The following ADAMTS19 variants were observed in gnomAD, a reference collection of about 807,000 sequenced individuals.
ADAMTS19 encodes A disintegrin and metalloproteinase with thrombospondin motifs 19.
In ADAMTS19, 93 loss-of-function variants were observed where a neutral mutation model predicts 153.3. The ratio of observed to expected loss-of-function variants is 0.61; its 90% CI spans 0.51 to 0.72. The LOEUF (loss-of-function observed/expected upper bound fraction) is 0.72. ADAMTS19 is among the 30% of genes least tolerant of loss of function. The pLI is 0.00. For missense variants in ADAMTS19, 1,482 were observed against 1,552.1 expected, an observed-to-expected ratio of 0.95 and a Z score of 0.76; for synonymous variants, 600 against 556.6, an observed-to-expected ratio of 1.08 and a Z score of -1.10.
At chr5:129,714,871 T>G (rs1435449400) in intron 21 of ADAMTS19, among the ~76,000 whole-genome samples, 1 of 152,242 alleles carries the variant, frequency 6.6e-6, no homozygotes. Context: ...TGCTCATTGC[T>G]GTAGCTTTAA....
chr5:129,639,340 A>G (rs1752690979), intron 10 of ADAMTS19, among the ~76,000 whole-genome samples: 1 of 152,062 alleles, frequency 6.6e-6, no homozygotes, highest in African/African-American at 2.4e-5. Flanking sequence ...TTTCTTCAAC[A>G]TTTTCTTGCC....
At chr5:129,492,413 A>T (rs1277165771) in intron 2 of ADAMTS19, among the ~76,000 whole-genome samples, 2 of 152,228 alleles carry the variant, frequency 1.3e-5, no homozygotes, top group East Asian at 3.9e-4. Flanking sequence ...TAAGATTGAG[A>T]CTGGTGGTCA....
chr5:129,564,700 A>T (rs1753643467), intron 7 of ADAMTS19, among the ~76,000 whole-genome samples: 1 of 152,188 alleles, frequency 6.6e-6, no homozygotes, highest in Non-Finnish European at 1.5e-5. Context: ...AAGCATATTA[A>T]GGTGATATGG....
At chr5:129,543,859 A>T (rs188348135) in intron 6 of ADAMTS19, among the ~76,000 whole-genome samples, 158 of 152,288 alleles carry the variant, frequency 1.0e-3, no homozygotes, top group African/African-American at 3.6e-3. Context: ...TCATACTTGG[A>T]TTATTTTTGT....
At chr5:129,517,827 G>T (rs900871687) in intron 3 of ADAMTS19, among the ~76,000 whole-genome samples, 1 of 151,756 alleles carries the variant, frequency 6.6e-6, no homozygotes, top group Non-Finnish European at 1.5e-5. Flanking sequence ...CTGCCATTTT[G>T]TTATTTGTTT....
At chr5:129,643,600 T>C (rs2127029048) in intron 11 of ADAMTS19, among the ~76,000 whole-genome samples, 1 of 152,162 alleles carries the variant, frequency 6.6e-6, no homozygotes, top group Admixed American at 6.5e-5. Flanking sequence ...AGAAAAAATG[T>C]ACAAATTGTT....
intron 7 of ADAMTS19, among the ~76,000 whole-genome samples, chr5:129,560,925 A>G (rs1753489483): frequency 6.6e-6 from 1 of 152,182 alleles, no homozygotes. Context: ...GGTAGTAATT[A>G]TTAAACTTTT....
chr5:129,665,154 G>T (rs1001665528), intron 15 of ADAMTS19, among the ~76,000 whole-genome samples: 1 of 150,918 alleles, frequency 6.6e-6, no homozygotes, highest in Admixed American at 6.6e-5. Context: ...AAAATCTGAG[G>T]TTATCTGTTC....
At chr5:129,517,987 G>A (rs973278684) in intron 3 of ADAMTS19, among the ~76,000 whole-genome samples, 8 of 151,878 alleles carry the variant, frequency 5.3e-5, no homozygotes, top group African/African-American at 1.5e-4. Flanking sequence ...TTACCATGAG[G>A]TTGCAAATAC....
chr5:129,684,350 C>CA, intron 18 of ADAMTS19, 77 bp downstream of exon 18: 2 of 1,516,160 alleles, frequency 1.3e-6, no homozygotes, highest in Non-Finnish European at 8.9e-7. Context: ...AAGACATATC[C>CA]AAAATCCCTA....
chr5:129,664,663 A>C (rs1344380717), intron 15 of ADAMTS19, among the ~76,000 whole-genome samples: 2 of 152,100 alleles, frequency 1.3e-5, no homozygotes, highest in African/African-American at 4.8e-5. Flanking sequence ...TAAAGCTTAG[A>C]AGGTAGACTT....
chr5:129,592,477 C>G (rs751531741), intron 7 of ADAMTS19, among the ~76,000 whole-genome samples: 5 of 151,262 alleles, frequency 3.3e-5, no homozygotes, highest in Non-Finnish European at 7.4e-5. Flanking sequence ...AAACTCATCT[C>G]TTATTATAAT....
intron 2 of ADAMTS19, among the ~76,000 whole-genome samples, chr5:129,494,189 G>C (rs572437695): frequency 6.6e-6 from 1 of 152,154 alleles, no homozygotes; most frequent in Non-Finnish European, 1.5e-5. Flanking sequence ...ATTATAAACA[G>C]AGAAATATCT....
At chr5:129,495,017 G>A (rs1447137195) in intron 2 of ADAMTS19, among the ~76,000 whole-genome samples, 4 of 152,034 alleles carry the variant, frequency 2.6e-5, no homozygotes, top group Non-Finnish European at 4.4e-5. Context: ...GCTTTGGGAA[G>A]TTGTATAGGG....
At chr5:129,478,344 A>G (rs994872108) in intron 2 of ADAMTS19, among the ~76,000 whole-genome samples, 6 of 152,206 alleles carry the variant, frequency 3.9e-5, no homozygotes, top group Non-Finnish European at 8.8e-5. Context: ...TTATCTTTTA[A>G]TAATAATGTG....
chr5:129,638,785 G>A (rs1752668094), intron 10 of ADAMTS19, among the ~76,000 whole-genome samples: 1 of 152,114 alleles, frequency 6.6e-6, no homozygotes, highest in African/African-American at 2.4e-5. Context: ...TGCATACGCA[G>A]TTAAAATTGT....
At chr5:129,510,351 T>C (rs529223740) in intron 3 of ADAMTS19, among the ~76,000 whole-genome samples, 1 of 151,972 alleles carries the variant, frequency 6.6e-6, no homozygotes, top group East Asian at 1.9e-4. Flanking sequence ...CAAATTAATC[T>C]GTTACTTCTG....
chr5:129,565,629 C>A (rs1349142706), intron 7 of ADAMTS19, among the ~76,000 whole-genome samples: 2 of 152,116 alleles, frequency 1.3e-5, no homozygotes, highest in Non-Finnish European at 2.9e-5. Context: ...TAAATGTTTT[C>A]CTTTTTCCTA....
At chr5:129,625,972 T>C (rs199944553) in intron 10 of ADAMTS19, among the ~76,000 whole-genome samples, 1 of 152,114 alleles carries the variant, frequency 6.6e-6, no homozygotes, top group East Asian at 1.9e-4. Context: ...TTTTTATGGT[T>C]TTAGGTCTAA....
Sources: gnomAD v4.1 joint callset for allele counts (sites outside exome capture counted in the v4.1 genomes callset) on GRCh38, gnomAD v4.1.1 for gene constraint, MANE v1.5 for transcripts, NCBI Gene and HGNC (gene_info 2026-07-23, HGNC 2026-07-21) for gene names.